Variants in CSPP1 observed in about 807,000 individuals in gnomAD.
CSPP1 encodes the protein centrosome and spindle pole associated protein 1.
CSPP1 carries 126 observed loss-of-function variants against 164.4 expected under a neutral mutation model. That is an observed-to-expected ratio of 0.77 (90% confidence interval 0.66 to 0.89). The LOEUF is 0.89. CSPP1 is among the 40% of genes least tolerant of loss of function. The pLI is 0.00. For synonymous variants in CSPP1, 472 were observed against 476.7 expected, an observed-to-expected ratio of 0.99 and a Z score of 0.13; for missense variants, 1,395 against 1,449.8, an observed-to-expected ratio of 0.96 and a Z score of 0.61.
At chr8:67,147,245 A>G (rs997730179) in intron 17 of CSPP1, among the ~76,000 whole-genome samples, 23 of 152,172 alleles carry the variant, frequency 1.5e-4, no homozygotes, top group African/African-American at 4.8e-4. Context: ...CTAAGCACTC[A>G]CTAGTTTGGC....
chr8:67,139,398 C>T (rs1391129874), intron 17 of CSPP1, among the ~76,000 whole-genome samples: 1 of 151,798 alleles, frequency 6.6e-6, no homozygotes, highest in African/African-American at 2.4e-5. Flanking sequence ...GTTGGTGGGA[C>T]TGTAAACTAG....
chr8:67,111,010 G>A (rs904686618), intron 9 of CSPP1, among the ~76,000 whole-genome samples: 2 of 151,956 alleles, frequency 1.3e-5, no homozygotes, highest in African/African-American at 2.4e-5. Flanking sequence ...TTACCTCTAC[G>A]GGAGCTTCAC....
At chr8:67,078,739 G>T (rs927308464) in intron 3 of CSPP1, among the ~76,000 whole-genome samples, 5 of 152,076 alleles carry the variant, frequency 3.3e-5, no homozygotes, top group Non-Finnish European at 7.4e-5. Flanking sequence ...GGGAGGCTGA[G>T]GCCAGCAGAT....
intron 3 of CSPP1, among the ~76,000 whole-genome samples, chr8:67,079,109 T>C (rs1223576061): frequency 6.6e-6 from 1 of 152,202 alleles, no homozygotes; most frequent in Non-Finnish European, 1.5e-5. Context: ...TACTTCGGCC[T>C]CTGACCTAGG....
chr8:67,164,295 G>A, intron 23 of CSPP1, 96 bp from the exon 24 acceptor site: 1 of 648,644 alleles, frequency 1.5e-6, no homozygotes, highest in South Asian at 2.0e-5. Flanking sequence ...GTCTCTCTGA[G>A]CAGTTTCACT....
chr8:67,113,280 A>G (rs1400898836), intron 10 of CSPP1, among the ~76,000 whole-genome samples: 4 of 152,076 alleles, frequency 2.6e-5, no homozygotes, highest in African/African-American at 7.2e-5. Context: ...AAAATTAGGA[A>G]TAGAGATCTC....
intron 1 of CSPP1, among the ~76,000 whole-genome samples, chr8:67,071,662 C>T (rs946099497): frequency 1.3e-5 from 2 of 152,158 alleles, no homozygotes; most frequent in Non-Finnish European, 2.9e-5. Flanking sequence ...TACTTCTGTC[C>T]AAGATTCTAT....
At chr8:67,117,938 T>A (rs932590379) in intron 13 of CSPP1, among the ~76,000 whole-genome samples, 2 of 152,236 alleles carry the variant, frequency 1.3e-5, no homozygotes, top group African/African-American at 4.8e-5. Flanking sequence ...TATTTTCATG[T>A]TACTCCTGAG....
At chr8:67,192,790 C>T (rs924683795) in intron 29 of CSPP1, among the ~76,000 whole-genome samples, 1 of 151,874 alleles carries the variant, frequency 6.6e-6, no homozygotes, top group Non-Finnish European at 1.5e-5. Context: ...ATTTTGTTAA[C>T]TCCGTCCATA....
rs989246855 is a variant in CSPP1, at chr8:67,186,962, C to A, written c.3221-3688C>A. ...CCCCAAGGAATACTGAGGTATAAAT[C>A]TATCTATCATCTATCTATCTATCTA... On this transcript the variant is annotated intron_variant, in intron 28 of 30. Coordinates refer to ENST00000678616, the MANE Select transcript of CSPP1 (RefSeq NM_001382391.1). Among the ~76,000 whole-genome samples, 3 of 145,714 alleles carry A rather than the reference C, an allele frequency of 2.1e-5. No individual in the cohort carries two copies. The Admixed American group carries it at 2.1e-4, about 10-fold the overall frequency.
chr8:67,168,803 T>G (rs578040510), intron 24 of CSPP1, among the ~76,000 whole-genome samples: 3 of 152,368 alleles, frequency 2.0e-5, no homozygotes, highest in South Asian at 2.1e-4. Flanking sequence ...GTGGCTCACA[T>G]GTGAAGATTT....
chr8:67,134,141 A>G (rs570370861), intron 16 of CSPP1: 12 of 152,120 alleles, frequency 7.9e-5, no homozygotes, highest in Non-Finnish European at 1.5e-4. Flanking sequence ...ATGACTCACA[A>G]ATGTTCTTGA....
At chr8:67,158,927 G>T in intron 20 of CSPP1, 64 bp from the exon 21 acceptor site, 1 of 1,292,750 alleles carries the variant, frequency 7.7e-7, no homozygotes. Flanking sequence ...AAATAAGGCA[G>T]CACATTTTTG....
chr8:67,133,781 AC>A (rs1169655441), intron 16 of CSPP1: 5 of 152,070 alleles, frequency 3.3e-5, no homozygotes, highest in Admixed American at 2.0e-4. Flanking sequence ...TCCTCTCAAA[AC>A]CCTGCTGATG....
intron 28 of CSPP1, among the ~76,000 whole-genome samples, chr8:67,184,335 C>T (rs1273586882): frequency 6.6e-6 from 1 of 152,074 alleles, no homozygotes; most frequent in Non-Finnish European, 1.5e-5. Flanking sequence ...AAATTGAAAA[C>T]AGGAAATAAA....
intron 28 of CSPP1, among the ~76,000 whole-genome samples, chr8:67,182,787 A>G (rs1376110759): frequency 6.6e-6 from 1 of 152,230 alleles, no homozygotes; most frequent in East Asian, 1.9e-4. Flanking sequence ...TCATTTTTGA[A>G]GAAATACCTA....
intron 1 of CSPP1, among the ~76,000 whole-genome samples, chr8:67,066,021 T>C (rs1300734890): frequency 1.3e-5 from 2 of 152,224 alleles, no homozygotes; most frequent in Admixed American, 1.3e-4. Flanking sequence ...TCTGATGTAC[T>C]TTCCTGAGTG....
At chr8:67,093,973 A>C (rs2129545122) in intron 6 of CSPP1, among the ~76,000 whole-genome samples, 1 of 151,738 alleles carries the variant, frequency 6.6e-6, no homozygotes, top group African/African-American at 2.4e-5. Flanking sequence ...AGGATCAATT[A>C]GCCGGACATG....
intron 27 of CSPP1, among the ~76,000 whole-genome samples, chr8:67,178,501 A>G (rs148278220): frequency 7.2e-5 from 11 of 152,354 alleles, no homozygotes; most frequent in African/African-American, 2.6e-4. Context: ...AGGGAGAGAC[A>G]GTAATCAAAT....
Sources: gnomAD v4.1 joint callset for allele counts (sites outside exome capture counted in the v4.1 genomes callset) on GRCh38, gnomAD v4.1.1 for gene constraint, MANE v1.5 for transcripts, NCBI Gene and HGNC (gene_info 2026-07-23, HGNC 2026-07-21) for gene names.